Variants in BAIAP2L1 observed in about 807,000 individuals in gnomAD.
BAIAP2L1 encodes the protein BAR/IMD domain containing adaptor protein 2 like 1.
Under a neutral mutation model 66.3 loss-of-function variants are expected in BAIAP2L1, and 35 were observed. The observed-to-expected ratio is 0.53, with a 90% CI of 0.40 to 0.70. The LOEUF (loss-of-function observed/expected upper bound fraction) is 0.70, where lower values mean the gene tolerates loss of function less well. Ranked by LOEUF, BAIAP2L1 falls within the 30% of genes least tolerant of loss-of-function variation. The pLI is 0.00. For missense variants in BAIAP2L1, 622 were observed against 656.9 expected (o/e 0.95, Z 0.58); for synonymous variants, 269 against 248.7 (o/e 1.08, Z -0.77).
intron 1 of BAIAP2L1, among the ~76,000 whole-genome samples, chr7:98,365,605 CG>C (rs145244345): frequency 6.6e-6 from 1 of 151,932 alleles, no homozygotes; most frequent in Non-Finnish European, 1.5e-5. Flanking sequence ...CAAGTAGCTG[CG>C]GGGGGTGGAT....
intron 2 of BAIAP2L1, among the ~76,000 whole-genome samples, chr7:98,357,049 A>ATATATATATAT (rs1406909573): frequency 7.9e-5 from 1 of 12,616 alleles, no homozygotes; most frequent in African/African-American, 2.8e-4. Flanking sequence ...ATATATATAT[A>ATATATATATAT]TTTTTTTTTT....
chr7:98,343,770 C>G (rs986155293), intron 3 of BAIAP2L1, among the ~76,000 whole-genome samples: 26 of 152,156 alleles, frequency 1.7e-4, no homozygotes, highest in African/African-American at 5.8e-4. Context: ...GGGTAAGGGC[C>G]AAATTGCAAA....
chr7:98,345,535 A>G (rs1334310106), intron 3 of BAIAP2L1, among the ~76,000 whole-genome samples: 1 of 151,932 alleles, frequency 6.6e-6, no homozygotes, highest in Non-Finnish European at 1.5e-5. Context: ...GACGAGCCTG[A>G]CCAGTATCGT....
At chr7:98,306,007 G>A (rs1190844322) in intron 11 of BAIAP2L1, among the ~76,000 whole-genome samples, 1 of 152,154 alleles carries the variant, frequency 6.6e-6, no homozygotes, top group Non-Finnish European at 1.5e-5. Flanking sequence ...GAAGAGGGGT[G>A]CAAAGAGCTG....
intron 1 of BAIAP2L1, among the ~76,000 whole-genome samples, chr7:98,391,278 G>A (rs1364812818): frequency 7.9e-5 from 12 of 152,074 alleles, no homozygotes; most frequent in Admixed American, 7.9e-4. Context: ...CCTGGTTTGG[G>A]AACTCATTCT....
At chr7:98,370,297 C>T (rs1018231485) in intron 1 of BAIAP2L1, among the ~76,000 whole-genome samples, 1 of 150,664 alleles carries the variant, frequency 6.6e-6, no homozygotes, top group African/African-American at 2.4e-5. Flanking sequence ...ATTCCTTGAA[C>T]CCGGGACGCG....
chr7:98,299,695 T>C (rs955968573), intron 12 of BAIAP2L1, among the ~76,000 whole-genome samples: 8 of 152,334 alleles, frequency 5.3e-5, no homozygotes, highest in Non-Finnish European at 8.8e-5. Context: ...CTATTTTGTA[T>C]GATCTATTCC....
chr7:98,378,784 C>T (rs765240696), intron 1 of BAIAP2L1, among the ~76,000 whole-genome samples: 2 of 151,840 alleles, frequency 1.3e-5, no homozygotes, highest in Non-Finnish European at 2.9e-5. Context: ...TATAGGCACA[C>T]GCCACCATGT....
At chr7:98,389,659 T>C in intron 1 of BAIAP2L1, among the ~76,000 whole-genome samples, 1 of 152,126 alleles carries the variant, frequency 6.6e-6, no homozygotes, top group East Asian at 1.9e-4. Context: ...GACAGGTTAT[T>C]ACCACGCTTG....
chr7:98,362,070 C>G lies in BAIAP2L1; in HGVS notation c.127+287G>C, dbSNP rs532731937. Among the ~76,000 whole-genome samples the G allele has an allele frequency of 3.6e-4, 55 of 152,196 alleles. 1 individual carries two copies. The South Asian group carries it at 0.011, about 31-fold the overall frequency. ...CCCTAACTTATAAATGTCTCATGTACACATTTTATATTTGTTAGTTTACCA... is the reference window on the plus strand; with the variant it reads ...CCCTAACTTATAAATGTCTCATGTAGACATTTTATATTTGTTAGTTTACCA... On this transcript the variant is annotated intron_variant, in intron 2 of 13. Transcript: ENST00000005260.
At chr7:98,333,384 G>A (rs974759081) in intron 3 of BAIAP2L1, among the ~76,000 whole-genome samples, 79 of 152,102 alleles carry the variant, frequency 5.2e-4, no homozygotes, top group Non-Finnish European at 2.2e-4. Context: ...GATCACCTGA[G>A]GTCAGGAGTT....
chr7:98,308,059 A>G (rs1168485541), intron 9 of BAIAP2L1, 163 bp from the exon 10 acceptor site: 1 of 744,412 alleles, frequency 1.3e-6, no homozygotes, highest in South Asian at 1.5e-5. Flanking sequence ...CATTGCCCAG[A>G]AGGAACAGGG....
At chr7:98,324,443 A>G (rs1801328435) in intron 3 of BAIAP2L1, among the ~76,000 whole-genome samples, 1 of 152,254 alleles carries the variant, frequency 6.6e-6, no homozygotes, top group Non-Finnish European at 1.5e-5. Context: ...AATATGCCCA[A>G]CATTTTGGAC....
At chr7:98,323,001 C>T (rs1003308425) in intron 3 of BAIAP2L1, 1 of 152,188 alleles carries the variant, frequency 6.6e-6, no homozygotes, top group Non-Finnish European at 1.5e-5. Context: ...TCCTTAAGCC[C>T]TGTGGGATTT....
chr7:98,367,227 T>C (rs1802406338), intron 1 of BAIAP2L1, among the ~76,000 whole-genome samples: 1 of 152,166 alleles, frequency 6.6e-6, no homozygotes, highest in African/African-American at 2.4e-5. Flanking sequence ...CCAGGTATGC[T>C]TCCTGCAATG....
At chr7:98,302,076 C>T (rs1309728956) in intron 12 of BAIAP2L1, among the ~76,000 whole-genome samples, 1 of 152,146 alleles carries the variant, frequency 6.6e-6, no homozygotes, top group Non-Finnish European at 1.5e-5. Flanking sequence ...ATGATCCAGC[C>T]AACGAAGAGG....
At chr7:98,321,858 G>A (rs1801256515) in intron 3 of BAIAP2L1, among the ~76,000 whole-genome samples, 1 of 152,222 alleles carries the variant, frequency 6.6e-6, no homozygotes, top group East Asian at 1.9e-4. Flanking sequence ...GCACTTTTGG[G>A]AGGCTGAGGT....
intron 3 of BAIAP2L1, among the ~76,000 whole-genome samples, chr7:98,354,527 C>A (rs1584479643): frequency 6.6e-6 from 1 of 152,310 alleles, no homozygotes; most frequent in East Asian, 1.9e-4. Context: ...AAGCCCAGAT[C>A]CCCTCGGCAG....
chr7:98,304,000 A>G (rs1239563258), intron 12 of BAIAP2L1, among the ~76,000 whole-genome samples, 196 bp downstream of exon 12: 1 of 152,216 alleles, frequency 6.6e-6, no homozygotes, highest in Non-Finnish European at 1.5e-5. Flanking sequence ...GGCTGAAGTC[A>G]AGGAGGTGAA....
Sources: allele counts gnomAD v4.1 joint callset (sites outside exome capture counted in the v4.1 genomes callset), GRCh38; gene constraint gnomAD v4.1.1; transcripts MANE v1.5; gene names NCBI Gene and HGNC (gene_info 2026-07-23, HGNC 2026-07-21).